Variants in WDPCP observed in about 807,000 individuals in gnomAD.
WDPCP encodes WD repeat-containing and planar cell polarity effector protein fritz homolog.
WDPCP carries 71 observed loss-of-function variants against 93.1 expected under a neutral mutation model. The observed-to-expected ratio is 0.76, with a 90% CI of 0.63 to 0.93. The LOEUF is 0.93. Ranked by LOEUF, WDPCP falls within the 40% of genes least tolerant of loss-of-function variation. The pLI is 0.00. For synonymous variants in WDPCP, 315 were observed against 315.0 expected, an observed-to-expected ratio of 1.00 and a Z score of 0.00; for missense variants, 844 against 887.4, an observed-to-expected ratio of 0.95 and a Z score of 0.62.
At position 63,578,624 on chromosome 2, in the gene WDPCP, A is replaced by T. The variant is rs1708275240; in HGVS notation, c.75+9573T>A. On this transcript the variant is annotated intron_variant, in intron 1 of 17. Coordinates refer to ENST00000272321, the MANE Select transcript of WDPCP (RefSeq NM_015910.7). ...ACTTAGGAGGGGAAGCTCTGCCAAA[A>T]CAACAGCAGCGATGAACTCCCAGGC... Among the ~76,000 whole-genome samples the T allele has an allele frequency of 2.0e-5, 3 of 152,192 alleles. No homozygotes were observed. In the South Asian group the frequency reaches 6.2e-4, roughly 31 times the overall value.
chr2:63,596,920 G>A (rs546993268), intron 3 of WDPCP, among the ~76,000 whole-genome samples: 1 of 152,142 alleles, frequency 6.6e-6, no homozygotes, highest in Admixed American at 6.5e-5. Context: ...AAAATCAGAA[G>A]ATTAAATTTG....
chr2:63,191,775 GA>G (rs1675064167), intron 14 of WDPCP, among the ~76,000 whole-genome samples: 1 of 152,084 alleles, frequency 6.6e-6, no homozygotes, highest in African/African-American at 2.4e-5. Flanking sequence ...CACAATCTAA[GA>G]ATGGTTTTTA....
intron 13 of WDPCP, among the ~76,000 whole-genome samples, chr2:63,263,470 C>A (rs906533674): frequency 6.6e-6 from 1 of 152,162 alleles, no homozygotes; most frequent in Non-Finnish European, 1.5e-5. Context: ...TTCTCTGTCT[C>A]ATGTGTTTAC....
Position 63,177,749 on chromosome 2 carries a change from A to G in WDPCP, c.1916-2917T>C, listed in dbSNP as rs183974441. 4.4e-4 allele frequency among the ~76,000 whole-genome samples: 67 copies of G among 152,152 alleles called. 1 individual carries two copies. The highest frequency in any genetic ancestry group is 4.3e-3 in the Admixed American group (66 of 15,282). On this transcript the variant is annotated intron_variant, in intron 14 of 17. Coordinates refer to ENST00000272321, the MANE Select transcript of WDPCP (RefSeq NM_015910.7). ...ATTGCTTTGACTAGGACATTCCAGT[A>G]TTATGTTAAATAGAAGGGGTGAAAG...
Position 63,298,122 on chromosome 2 carries a change from A to C in WDPCP, c.1812+15126T>G, listed in dbSNP as rs61579586. Among the ~76,000 whole-genome samples the C allele has an allele frequency of 4.8e-3, 731 of 152,270 alleles. 4 individuals carry two copies. The highest frequency in any genetic ancestry group is 0.016 in the African/African-American group (684 of 41,556). ...CGGGACACAACGCATACTGACAAGGATGCCACCAGGTGCATATACCAGTCC... is the reference window on the plus strand; with the variant it reads ...CGGGACACAACGCATACTGACAAGGCTGCCACCAGGTGCATATACCAGTCC... On this transcript the variant is annotated intron_variant, in intron 13 of 17. Transcript: ENST00000272321.
chr2:63,463,218 G>T (rs1235944499), intron 6 of WDPCP, among the ~76,000 whole-genome samples: 1 of 151,962 alleles, frequency 6.6e-6, no homozygotes, highest in Non-Finnish European at 1.5e-5. Flanking sequence ...TATTTAAGAT[G>T]ATAAGATTTT....
intron 12 of WDPCP, among the ~76,000 whole-genome samples, chr2:63,372,691 C>T (rs1691496655): frequency 6.6e-6 from 1 of 152,110 alleles, no homozygotes; most frequent in African/African-American, 2.4e-5. Context: ...TAACTATTGA[C>T]AGTGGACTTT....
At chr2:63,739,335 T>A (rs1669683381) in intron 2 of WDPCP, among the ~76,000 whole-genome samples, 1 of 152,168 alleles carries the variant, frequency 6.6e-6, no homozygotes, top group South Asian at 2.1e-4. Context: ...GCTCCATCCA[T>A]GTTTCCACAA....
At chr2:63,774,940 A>G (rs968761582) in intron 2 of WDPCP, among the ~76,000 whole-genome samples, 1 of 152,174 alleles carries the variant, frequency 6.6e-6, no homozygotes, top group Non-Finnish European at 1.5e-5. Flanking sequence ...TCATGCTTTA[A>G]GACCTCTAAT....
chr2:63,551,139 T>TGA (rs1199403195), intron 1 of WDPCP, among the ~76,000 whole-genome samples: 1 of 152,224 alleles, frequency 6.6e-6, no homozygotes, highest in Admixed American at 6.5e-5. Flanking sequence ...ATTTCAAAAA[T>TGA]GAAGACCTTC....
intron 13 of WDPCP, among the ~76,000 whole-genome samples, chr2:63,312,240 C>G (rs1159301947): frequency 6.6e-6 from 1 of 152,108 alleles, no homozygotes; most frequent in African/African-American, 2.4e-5. Flanking sequence ...ATATCAAACT[C>G]AATCCAAAGA....
At chr2:63,627,836 A>G (rs1338110460) in intron 3 of WDPCP, among the ~76,000 whole-genome samples, 1 of 152,134 alleles carries the variant, frequency 6.6e-6, no homozygotes, top group Non-Finnish European at 1.5e-5. Context: ...GCCGAACAAG[A>G]GCTTGGGTGC....
At chr2:63,313,216 A>C in intron 13 of WDPCP, 32 bp downstream of exon 13, 1 of 1,606,248 alleles carries the variant, frequency 6.2e-7, no homozygotes, top group South Asian at 1.1e-5. Context: ...CTTAGAACTG[A>C]AGGCACAAAA....
intron 14 of WDPCP, among the ~76,000 whole-genome samples, chr2:63,207,694 T>C (rs1468535848): frequency 6.6e-6 from 1 of 152,202 alleles, no homozygotes; most frequent in Non-Finnish European, 1.5e-5. Flanking sequence ...TTCATTAGAA[T>C]ATGTCTTGAT....
At chr2:63,829,140 A>T (rs371759674), upstream of WDPCP, among the ~76,000 whole-genome samples, 1 of 152,144 alleles carries the variant, frequency 6.6e-6, no homozygotes, top group Non-Finnish European at 1.5e-5. Context: ...TACTTCCTAC[A>T]GTACTTTATT....
At chr2:63,698,401 G>C (rs1156280802) in intron 2 of WDPCP, among the ~76,000 whole-genome samples, 1 of 152,212 alleles carries the variant, frequency 6.6e-6, no homozygotes, top group Admixed American at 6.5e-5. Context: ...ATTTGCCTCA[G>C]AGGAAAATGA....
intron 3 of WDPCP, among the ~76,000 whole-genome samples, chr2:63,636,709 T>TC (rs1367759000): frequency 6.6e-6 from 1 of 152,142 alleles, no homozygotes; most frequent in East Asian, 1.9e-4. Context: ...AGTACAATAC[T>TC]GGCCTAAAAA....
chr2:63,675,624 A>G (rs1217505171), intron 2 of WDPCP, among the ~76,000 whole-genome samples: 4 of 151,776 alleles, frequency 2.6e-5, no homozygotes, highest in African/African-American at 9.7e-5. Flanking sequence ...CAAATTTGGC[A>G]TTTTCTATTT....
At chr2:63,653,869 C>T (rs1710136219) in intron 2 of WDPCP, among the ~76,000 whole-genome samples, 1 of 149,004 alleles carries the variant, frequency 6.7e-6, no homozygotes, top group African/African-American at 2.5e-5. Flanking sequence ...GAGATCGTGC[C>T]ACTGCACTCC....
Sources: gnomAD v4.1 joint callset for allele counts (sites outside exome capture counted in the v4.1 genomes callset) on GRCh38, gnomAD v4.1.1 for gene constraint, MANE v1.5 for transcripts, NCBI Gene and HGNC (gene_info 2026-07-23, HGNC 2026-07-21) for gene names.